Variants in BRINP3 observed in about 807,000 individuals in gnomAD.
BRINP3 encodes BMP/retinoic acid-inducible neural-specific protein 3.
BRINP3 carries 19 observed loss-of-function variants against 71.0 expected under a neutral mutation model. That is an observed-to-expected ratio of 0.27 (90% confidence interval 0.19 to 0.39). BRINP3 has a LOEUF of 0.39. BRINP3 is among the 10% of genes least tolerant of loss of function. The pLI is 1.00. For synonymous variants in BRINP3, 380 were observed against 337.7 expected, an observed-to-expected ratio of 1.13 and a Z score of -1.37; for missense variants, 959 against 940.8, an observed-to-expected ratio of 1.02 and a Z score of -0.25.
intron 2 of BRINP3, among the ~76,000 whole-genome samples, chr1:190,298,798 T>G (rs185877276): frequency 6.6e-6 from 1 of 151,692 alleles, no homozygotes; most frequent in East Asian, 1.9e-4. Context: ...TAAAGAGTTC[T>G]ATATATATAT....
At chr1:190,465,508 C>A (rs1045498660) in intron 1 of BRINP3, among the ~76,000 whole-genome samples, 1 of 151,744 alleles carries the variant, frequency 6.6e-6, no homozygotes, top group Admixed American at 6.6e-5. Flanking sequence ...CCTAGATATC[C>A]GTTTGGGTTC....
At chr1:190,301,324 C>A (rs1435999902) in intron 2 of BRINP3, among the ~76,000 whole-genome samples, 2 of 148,112 alleles carry the variant, frequency 1.4e-5, no homozygotes, top group East Asian at 4.0e-4. Context: ...CCCTTTACTT[C>A]ATTTTATCTC....
chr1:190,402,425 T>C (rs889982282), intron 2 of BRINP3, among the ~76,000 whole-genome samples: 4 of 152,176 alleles, frequency 2.6e-5, no homozygotes, highest in Admixed American at 2.0e-4. Context: ...TTATACTTAA[T>C]AGTAACTATC....
intron 2 of BRINP3, among the ~76,000 whole-genome samples, chr1:190,300,242 C>T (rs1037762698): frequency 3.3e-5 from 5 of 152,034 alleles, no homozygotes; most frequent in African/African-American, 1.2e-4. Flanking sequence ...GGAGGCTTTG[C>T]TTGTTTCTTT....
intron 7 of BRINP3, among the ~76,000 whole-genome samples, chr1:190,138,383 C>A (rs569816370): frequency 2.9e-4 from 44 of 152,190 alleles, no homozygotes; most frequent in African/African-American, 9.9e-4. Flanking sequence ...GAAGTTATTG[C>A]ATAAGTTAAA....
chr1:190,308,161 T>C (rs1434884582), intron 2 of BRINP3, among the ~76,000 whole-genome samples: 2 of 151,954 alleles, frequency 1.3e-5, no homozygotes, highest in African/African-American at 2.4e-5. Context: ...AAGGGCAACG[T>C]AGACATAATT....
At chr1:190,285,557 C>G (rs1285907989) in intron 2 of BRINP3, among the ~76,000 whole-genome samples, 1 of 151,810 alleles carries the variant, frequency 6.6e-6, no homozygotes, top group Non-Finnish European at 1.5e-5. Flanking sequence ...CGAGATCATG[C>G]CACTGCCCTC....
intron 2 of BRINP3, among the ~76,000 whole-genome samples, chr1:190,348,807 A>T (rs1238773976): frequency 6.6e-6 from 1 of 152,184 alleles, no homozygotes; most frequent in Non-Finnish European, 1.5e-5. Flanking sequence ...CAGAGTTCAC[A>T]TTAACCTTAT....
chr1:190,111,024 A>G (rs1442862692), intron 7 of BRINP3, among the ~76,000 whole-genome samples: 1 of 151,560 alleles, frequency 6.6e-6, no homozygotes, highest in Non-Finnish European at 1.5e-5. Context: ...AAATACAAAA[A>G]GAAATTAGCC....
intron 6 of BRINP3, among the ~76,000 whole-genome samples, chr1:190,166,003 G>T (rs1413300733): frequency 1.3e-5 from 2 of 151,986 alleles, no homozygotes; most frequent in Non-Finnish European, 2.9e-5. Flanking sequence ...TTCTCCTAAC[G>T]GTTCTAAGGG....
At chr1:190,472,164 A>G (rs1327643162) in intron 1 of BRINP3, among the ~76,000 whole-genome samples, 1 of 151,618 alleles carries the variant, frequency 6.6e-6, no homozygotes, top group East Asian at 1.9e-4. Flanking sequence ...CTCTTATGTC[A>G]TTTTATGTAC....
intron 4 of BRINP3, among the ~76,000 whole-genome samples, chr1:190,237,556 T>C (rs1169375714): frequency 1.3e-5 from 2 of 151,898 alleles, no homozygotes; most frequent in African/African-American, 4.8e-5. Flanking sequence ...TGAAATAAAA[T>C]ACTTTGCCAG....
At chr1:190,221,197 G>A (rs1328979056) in intron 6 of BRINP3, among the ~76,000 whole-genome samples, 2 of 152,062 alleles carry the variant, frequency 1.3e-5, no homozygotes, top group African/African-American at 4.8e-5. Flanking sequence ...CAGCCTAGGC[G>A]ACAGAGTGAG....
At position 190,280,069 on chromosome 1, in the gene BRINP3, A is replaced by G. The variant is rs149377795; in HGVS notation, c.427+1491T>C. On this transcript the variant is annotated intron_variant, in intron 3 of 7. Transcript: ENST00000367462. ...TGCAAGAACTACAGATAATAAACCA[A>G]TAGCCAAATAATTAAAATAATTTCA... is the stretch of plus-strand genomic sequence containing the variant. 6.5e-3 allele frequency among the ~76,000 whole-genome samples: 992 copies of G among 152,060 alleles called. 6 individuals carry two copies. Among genetic ancestry groups the G allele is most frequent in the African/African-American group, 0.021 (882 of 41,540 alleles).
chr1:190,217,559 T>A (rs1656520343), intron 6 of BRINP3, among the ~76,000 whole-genome samples: 1 of 151,964 alleles, frequency 6.6e-6, no homozygotes, highest in African/African-American at 2.4e-5. Flanking sequence ...ACCCTGAAAT[T>A]AAAAATAATA....
intron 6 of BRINP3, among the ~76,000 whole-genome samples, chr1:190,190,957 T>A (rs1653980538): frequency 6.6e-6 from 1 of 152,140 alleles, no homozygotes; most frequent in African/African-American, 2.4e-5. Flanking sequence ...AAATAGCAGA[T>A]ATTATAGGCA....
rs200430333 is a variant in BRINP3, at chr1:190,103,389, AT to A, written c.1185-4256del. ...ACATGAATTAAATGTTTGACTATAC[AT>A]TTTTTTTGTTTTAAAGAAAATCAAC... is the stretch of plus-strand genomic sequence containing the variant. On this transcript the variant is annotated intron_variant, in intron 7 of 7. Coordinates refer to ENST00000367462, the MANE Select transcript of BRINP3 (RefSeq NM_199051.3). 1.3e-4 allele frequency among the ~76,000 whole-genome samples: 19 copies of A among 151,784 alleles called. 1 individual carries two copies. Among genetic ancestry groups the A allele is most frequent in the Admixed American group, 2.6e-4 (4 of 15,200 alleles).
rs77301050 is a variant in BRINP3 at position 190,220,840 on chromosome 1, A to C, written c.961+5242T>G. Among the ~76,000 whole-genome samples, 457 of 152,300 alleles carry C rather than the reference A, an allele frequency of 3.0e-3. 1 individual carries two copies. The highest frequency in any genetic ancestry group is 5.6e-3 in the Non-Finnish European group (381 of 68,028). On this transcript the variant is annotated intron_variant, in intron 6 of 7. Coordinates refer to ENST00000367462, the MANE Select transcript of BRINP3 (RefSeq NM_199051.3). ...GCCAAAAAAAAGTTTTCAAGGCATA[A>C]ATCCCACTGGTAAAATTAAGTACAA...
intron 4 of BRINP3, among the ~76,000 whole-genome samples, chr1:190,242,218 A>G (rs1436093257): frequency 6.6e-6 from 1 of 152,080 alleles, no homozygotes; most frequent in Non-Finnish European, 1.5e-5. Context: ...TTTAGTATTT[A>G]CAGTGTATTT....
Sources: gnomAD v4.1 joint callset for allele counts (sites outside exome capture counted in the v4.1 genomes callset) on GRCh38, gnomAD v4.1.1 for gene constraint, MANE v1.5 for transcripts, NCBI Gene and HGNC (gene_info 2026-07-23, HGNC 2026-07-21) for gene names.